Variants in MIA2 observed in about 807,000 individuals in gnomAD.
The protein encoded by MIA2 is MIA SH3 domain ER export factor 2.
MIA2 carries 127 observed loss-of-function variants against 167.8 expected under a neutral mutation model. That is an observed-to-expected ratio of 0.76 (90% CI 0.66 to 0.88). MIA2 has a LOEUF of 0.88. MIA2 is among the 40% of genes least tolerant of loss of function. MIA2 has a pLI of 0.00. For synonymous variants in MIA2, 552 were observed against 541.9 expected (o/e 1.02, Z -0.26); for missense variants, 1,690 against 1,624.7 (o/e 1.04, Z -0.69).
rs2152628528 is a variant in MIA2, at chr14:39,247,858, A to C, written c.1284A>C (p.Glu428Asp). Residue 428 changes from glutamate to aspartate, a missense_variant, in exon 4 of 29, where the codon GAA becomes GAC. Physicochemically the swap from Glu to Asp is conservative, Grantham distance 45. Coordinates refer to ENST00000640607, the MANE Select transcript of MIA2 (RefSeq NM_001329214.4). ...ACCCTGAAAAAGAACAAGAAATAGA[A>C]ACGATAAAAATTATAGAAACAGAAG... is the stretch of plus-strand genomic sequence containing the variant. ...ELDPEKEQEI[E>D]TIKIIETEDQ... The C allele has an allele frequency of 1.3e-6, 2 of 1,588,334 alleles. No individual in the cohort carries two copies. The highest frequency in any genetic ancestry group is 1.7e-6 in the Non-Finnish European group (2 of 1,173,658).
chr14:39,382,266 A>T (rs2075180810), intron 23 of MIA2, among the ~76,000 whole-genome samples: 1 of 152,248 alleles, frequency 6.6e-6, no homozygotes, highest in South Asian at 2.1e-4. Flanking sequence ...CACAGGCCTC[A>T]GCAAATCATC....
At chr14:39,296,254 T>C (rs1287512877) in intron 13 of MIA2, among the ~76,000 whole-genome samples, 1 of 152,190 alleles carries the variant, frequency 6.6e-6, no homozygotes, top group Non-Finnish European at 1.5e-5. Context: ...TTTTTAGAAC[T>C]TACATGCCTG....
At chr14:39,274,172 A>G (rs1338011388) in intron 6 of MIA2, among the ~76,000 whole-genome samples, 1 of 152,122 alleles carries the variant, frequency 6.6e-6, no homozygotes, top group Admixed American at 6.5e-5. Flanking sequence ...TCACTACCGT[A>G]CTTTATGGAG....
chr14:39,383,839 A>G (rs1054283183), intron 23 of MIA2, among the ~76,000 whole-genome samples: 2 of 152,216 alleles, frequency 1.3e-5, no homozygotes, highest in African/African-American at 4.8e-5. Context: ...CTTCAAGTCT[A>G]TGAAGGATGA....
chr14:39,348,143 A>G (rs2073824989), intron 27 of MIA2, among the ~76,000 whole-genome samples: 1 of 152,226 alleles, frequency 6.6e-6, no homozygotes, highest in Non-Finnish European at 1.5e-5. Context: ...TGTGCCTTCT[A>G]ATCTCATGCT....
At chr14:39,363,464 G>A (rs947946045) in intron 23 of MIA2, among the ~76,000 whole-genome samples, 1 of 152,208 alleles carries the variant, frequency 6.6e-6, no homozygotes, top group African/African-American at 2.4e-5. Flanking sequence ...GGGAGGTGGA[G>A]GTTGCAGTGA....
intron 6 of MIA2, among the ~76,000 whole-genome samples, chr14:39,261,971 C>T (rs2055141058): frequency 1.3e-5 from 2 of 152,092 alleles, no homozygotes; most frequent in Admixed American, 1.3e-4. Context: ...GTTTCTTTTG[C>T]TGTGCAGAAG....
In MIA2 at chr14:39,253,164, C is replaced by A. The variant is rs750690057; in HGVS notation, c.1880C>A (p.Thr627Lys). 4 of 1,608,406 alleles carry A rather than the reference C, an allele frequency of 2.5e-6. No homozygotes were observed. The highest frequency in any genetic ancestry group is 1.3e-5 in the African/African-American group (1 of 74,702). Residue 627 changes from threonine (T) to lysine (K), a missense_variant, in exon 6 of 29, where the codon ACA (threonine) becomes AAA (lysine). Physicochemically the swap from Thr to Lys is moderately conservative, Grantham distance 78. Coordinates refer to ENST00000640607, the MANE Select transcript of MIA2 (RefSeq NM_001329214.4). The stretch of plus-strand genomic sequence containing the variant: ...GCATTTTCACCAATTGTAATTCTTA[C>A]AGAAAGGGTAAGTTTGCCTTTTAAA... The part of the protein sequence containing the change: ...NSAFSPIVIL[T>K]ERVVAALPEG...
intron 6 of MIA2, 37 bp downstream of exon 6, chr14:39,253,208 C>A: frequency 1.2e-6 from 2 of 1,602,232 alleles, no homozygotes; most frequent in Admixed American, 1.7e-5. Context: ...AATAATTTTA[C>A]CTATTTTGCT....
intron 25 of MIA2, among the ~76,000 whole-genome samples, chr14:39,329,106 T>C (rs1291710676): frequency 6.6e-6 from 1 of 151,932 alleles, no homozygotes; most frequent in African/African-American, 2.4e-5. Context: ...GAGCATGGAA[T>C]GTTTCTTCTT....
At chr14:39,266,511 G>A (rs890639980) in intron 6 of MIA2, 84 of 985,376 alleles carry the variant, frequency 8.5e-5, no homozygotes, top group Non-Finnish European at 9.9e-5. Flanking sequence ...GGCCTAACAA[G>A]TGCCCAGGTG....
At chr14:39,256,073 C>T (rs1566605667) in intron 6 of MIA2, among the ~76,000 whole-genome samples, 1 of 152,152 alleles carries the variant, frequency 6.6e-6, no homozygotes, top group Non-Finnish European at 1.5e-5. Context: ...ATCTGAATTT[C>T]TGGGTTCTCT....
intron 25 of MIA2, among the ~76,000 whole-genome samples, chr14:39,343,960 T>C (rs1416802584): frequency 6.6e-6 from 1 of 152,224 alleles, no homozygotes; most frequent in Non-Finnish European, 1.5e-5. Context: ...CAATCAGAAA[T>C]AGATAGTCTA....
intron 9 of MIA2, among the ~76,000 whole-genome samples, chr14:39,287,296 C>T (rs2059954309): frequency 6.6e-6 from 1 of 151,846 alleles, no homozygotes; most frequent in Non-Finnish European, 1.5e-5. Flanking sequence ...AAGCTGGTCT[C>T]GAACTTGGGC....
At chr14:39,257,039 T>C (rs1854853469) in intron 6 of MIA2, among the ~76,000 whole-genome samples, 1 of 152,216 alleles carries the variant, frequency 6.6e-6, no homozygotes, top group Non-Finnish European at 1.5e-5. Flanking sequence ...AAGTGTTATG[T>C]GGTACTGAGA....
At chr14:39,340,285 T>G (rs1201183432) in intron 25 of MIA2, among the ~76,000 whole-genome samples, 2 of 152,362 alleles carry the variant, frequency 1.3e-5, no homozygotes, top group East Asian at 3.9e-4. Context: ...GCAAAGAGAC[T>G]AAGCAACCAT....
At chr14:39,271,255 A>G (rs1432025547) in intron 6 of MIA2, among the ~76,000 whole-genome samples, 2 of 152,192 alleles carry the variant, frequency 1.3e-5, no homozygotes, top group African/African-American at 2.4e-5. Flanking sequence ...AATACTGTTG[A>G]AAATAATTTA....
intron 20 of MIA2, chr14:39,315,120 T>TAAAAA (rs558848153): frequency 4.7e-5 from 5 of 105,890 alleles, no homozygotes; most frequent in African/African-American, 1.7e-4. Context: ...CTGTCTCTAC[T>TAAAAA]AAAAAAAAAA....
chr14:39,299,672 CTTTA>C (rs1437301091), intron 13 of MIA2, among the ~76,000 whole-genome samples, 188 bp from the exon 14 acceptor site: 1 of 151,910 alleles, frequency 6.6e-6, no homozygotes, highest in Non-Finnish European at 1.5e-5. Flanking sequence ...CTCAGGAAAC[CTTTA>C]TTTGATATAA....
Sources: allele counts gnomAD v4.1 joint callset (sites outside exome capture counted in the v4.1 genomes callset), GRCh38; gene constraint gnomAD v4.1.1; transcripts MANE v1.5; gene names NCBI Gene and HGNC (gene_info 2026-07-23, HGNC 2026-07-21).